The following DTD1 variants were observed in gnomAD, a reference collection of about 807,000 sequenced individuals.
DTD1 encodes the protein D-aminoacyl-tRNA deacylase 1.
In DTD1, 13 loss-of-function variants were observed where a neutral mutation model predicts 25.6. The observed-to-expected ratio is 0.51, with a 90% CI of 0.33 to 0.81. The LOEUF (loss-of-function observed/expected upper bound fraction) is 0.81. DTD1 is among the 30% of genes least tolerant of loss of function. The pLI, the probability that DTD1 is intolerant of heterozygous loss-of-function variation, is 0.02. For missense variants in DTD1, 193 were observed against 266.4 expected (o/e 0.72, Z 1.92); for synonymous variants, 110 against 103.6 (o/e 1.06, Z -0.37).
At chr20:18,687,313 A>G (rs921705311) in intron 4 of DTD1, among the ~76,000 whole-genome samples, 22 of 152,250 alleles carry the variant, frequency 1.4e-4, no homozygotes, top group African/African-American at 5.1e-4. Flanking sequence ...GTGTTGGTGG[A>G]GGGAGGTGAG....
At chr20:18,620,620 G>T (rs1488716356) in intron 3 of DTD1, among the ~76,000 whole-genome samples, 2 of 150,678 alleles carry the variant, frequency 1.3e-5, no homozygotes, top group Non-Finnish European at 3.0e-5. Context: ...TTTGAGATAG[G>T]GTCTCATTCT....
chr20:18,701,270 C>G (rs2061103411), intron 4 of DTD1, among the ~76,000 whole-genome samples: 1 of 152,144 alleles, frequency 6.6e-6, no homozygotes, highest in Non-Finnish European at 1.5e-5. Context: ...GGAGAGAAAA[C>G]ATGTTACCTA....
intron 4 of DTD1, among the ~76,000 whole-genome samples, chr20:18,639,015 T>C (rs969242378): frequency 6.6e-6 from 1 of 152,094 alleles, no homozygotes; most frequent in African/African-American, 2.4e-5. Context: ...AATGACCCCA[T>C]TCTTGCCTCC....
chr20:18,712,495 G>T (rs1347588199), intron 4 of DTD1, among the ~76,000 whole-genome samples: 1 of 152,108 alleles, frequency 6.6e-6, no homozygotes, highest in Non-Finnish European at 1.5e-5. Flanking sequence ...TCTCTCACTT[G>T]TGTTTTAGCT....
chr20:18,732,417 A>G (rs777437995), intron 4 of DTD1, among the ~76,000 whole-genome samples: 3 of 152,206 alleles, frequency 2.0e-5, no homozygotes, highest in Non-Finnish European at 4.4e-5. Context: ...ATGTAGAATC[A>G]ATAGGTGCTG....
chr20:18,617,415 C>T (rs2060713330), intron 3 of DTD1, among the ~76,000 whole-genome samples: 1 of 149,748 alleles, frequency 6.7e-6, no homozygotes, highest in African/African-American at 2.4e-5. Flanking sequence ...TATTTGTGAC[C>T]ATATATATGA....
chr20:18,753,312 A>G (rs1042142121), intron 5 of DTD1, among the ~76,000 whole-genome samples: 8 of 152,138 alleles, frequency 5.3e-5, no homozygotes, highest in Admixed American at 1.3e-4. Flanking sequence ...TTTAAGTACT[A>G]TAAGATTGAC....
At chr20:18,684,428 A>G (rs1483789620) in intron 4 of DTD1, among the ~76,000 whole-genome samples, 1 of 152,070 alleles carries the variant, frequency 6.6e-6, no homozygotes, top group Non-Finnish European at 1.5e-5. Context: ...CTGGGATTAT[A>G]GGTGTATGCC....
At chr20:18,638,520 G>A (rs528529249) in intron 4 of DTD1, among the ~76,000 whole-genome samples, 4 of 152,294 alleles carry the variant, frequency 2.6e-5, no homozygotes, top group Admixed American at 2.6e-4. Flanking sequence ...AAGACTGAAG[G>A]AAGAGTGCCA....
chr20:18,713,427 G>C (rs2061167813), intron 4 of DTD1, among the ~76,000 whole-genome samples: 1 of 152,210 alleles, frequency 6.6e-6, no homozygotes, highest in Non-Finnish European at 1.5e-5. Context: ...AGCAAGCCCT[G>C]CTTCCTGCTT....
chr20:18,688,009 C>G (rs965987237), intron 4 of DTD1, among the ~76,000 whole-genome samples: 5 of 152,190 alleles, frequency 3.3e-5, no homozygotes, highest in Non-Finnish European at 7.3e-5. Flanking sequence ...CTCCCTTCAC[C>G]ATTCATCAAA....
At chr20:18,613,936 A>G (rs951283281) in intron 3 of DTD1, among the ~76,000 whole-genome samples, 2 of 152,096 alleles carry the variant, frequency 1.3e-5, no homozygotes, top group Non-Finnish European at 2.9e-5. Context: ...TGCTATTTAA[A>G]TTGGAAACAC....
chr20:18,708,253 T>TTTTATATATATATA (rs1568676784), intron 4 of DTD1, among the ~76,000 whole-genome samples: 3 of 13,158 alleles, frequency 2.3e-4, no homozygotes, highest in African/African-American at 8.6e-4. Flanking sequence ...TAATATATAT[T>TTTTATATATATATA]ATATATATAT....
At chr20:18,668,023 G>A (rs1343229666) in intron 4 of DTD1, among the ~76,000 whole-genome samples, 1 of 152,354 alleles carries the variant, frequency 6.6e-6, no homozygotes, top group East Asian at 1.9e-4. Context: ...CATTTAGACA[G>A]AGGCTGCCAG....
chr20:18,593,628 T>C lies in DTD1; in HGVS notation c.44-103T>C, dbSNP rs1415737344. The C allele has an allele frequency of 6.5e-6, 5 of 773,788 alleles. No homozygotes were observed. In the South Asian group the frequency reaches 7.6e-5, roughly 12 times the overall value. 47.9% of individuals were successfully genotyped at this position (773,788 alleles called of 1,614,324 possible). On this transcript the variant is annotated intron_variant, in intron 1 of 5. Transcript: ENST00000377452. ...GTACTGACTTTAACCAAAGAAGTTA[T>C]AAGAAGTATGTATGATGTTTAAAAT... is the stretch of plus-strand genomic sequence containing the variant.
chr20:18,736,085 CG>C (rs1568685226), intron 4 of DTD1, among the ~76,000 whole-genome samples: 3 of 151,974 alleles, frequency 2.0e-5, no homozygotes, highest in East Asian at 3.9e-4. Context: ...CAGGGATTTC[CG>C]GGCACCTGTG....
intron 3 of DTD1, among the ~76,000 whole-genome samples, chr20:18,622,942 A>ATTT (rs771564529): frequency 1.2e-4 from 15 of 129,756 alleles, no homozygotes; most frequent in Admixed American, 5.0e-4. Flanking sequence ...ATTTTATAGA[A>ATTT]TTTTTTTTTT....
chr20:18,697,033 C>G (rs2061080328), intron 4 of DTD1, among the ~76,000 whole-genome samples: 1 of 151,618 alleles, frequency 6.6e-6, no homozygotes, highest in African/African-American at 2.4e-5. Flanking sequence ...GAGATCACGA[C>G]CATCCTGCTA....
At chr20:18,724,507 A>G (rs937791419) in intron 4 of DTD1, among the ~76,000 whole-genome samples, 1 of 152,172 alleles carries the variant, frequency 6.6e-6, no homozygotes, top group Non-Finnish European at 1.5e-5. Flanking sequence ...ATTGGCTCAT[A>G]CTAAGTGATT....
Sources: allele counts gnomAD v4.1 joint callset (sites outside exome capture counted in the v4.1 genomes callset), GRCh38; gene constraint gnomAD v4.1.1; transcripts MANE v1.5; gene names NCBI Gene and HGNC (gene_info 2026-07-23, HGNC 2026-07-21).